CCN6: variants seen among roughly 807,000 people sequenced by gnomAD.
CCN6 encodes the protein cellular communication network factor 6.
A neutral mutation model predicts 37.4 loss-of-function variants in CCN6; 31 were observed. That is an observed-to-expected ratio of 0.83 (90% CI 0.62 to 1.12). CCN6 has a LOEUF of 1.12. CCN6 is among the 50% of genes most tolerant of loss of function. The pLI is 0.00. For synonymous variants in CCN6, 137 were observed against 142.1 expected, an observed-to-expected ratio of 0.96 and a Z score of 0.26; for missense variants, 369 against 413.8, an observed-to-expected ratio of 0.89 and a Z score of 0.94.
chr6:112,066,125 T>C (rs1274548179), intron 3 of CCN6, among the ~76,000 whole-genome samples: 1 of 152,152 alleles, frequency 6.6e-6, no homozygotes, highest in African/African-American at 2.4e-5. Context: ...GAAAGGAACA[T>C]CCTCAGCAAC....
intron 1 of CCN6, among the ~76,000 whole-genome samples, chr6:112,055,588 T>TTTATTTATTTAC (rs1776324339): frequency 6.6e-6 from 1 of 152,004 alleles, no homozygotes; most frequent in African/African-American, 2.4e-5. Flanking sequence ...GCTTTATTTA[T>TTTATTTATTTAC]TTATTTATTT....
At chr6:112,065,991 G>A (rs1270409311) in intron 3 of CCN6, among the ~76,000 whole-genome samples, 1 of 152,144 alleles carries the variant, frequency 6.6e-6, no homozygotes. Context: ...AGTGAGAGGT[G>A]CCATGGAAAT....
intron 2 of CCN6, among the ~76,000 whole-genome samples, chr6:112,063,211 T>A (rs910060076): frequency 1.3e-5 from 2 of 152,202 alleles, no homozygotes; most frequent in African/African-American, 4.8e-5. Context: ...CACACAGATA[T>A]GTAATTTGAA....
intron 4 of CCN6, 111 bp from the exon 5 acceptor site, chr6:112,069,228 C>G (rs1201735102): frequency 3.1e-6 from 4 of 1,298,360 alleles, no homozygotes; most frequent in South Asian, 2.8e-5. Context: ...TACATAGCAA[C>G]TTTTATTAAT....
chr6:112,059,277 A>C (rs1275524592), intron 1 of CCN6, among the ~76,000 whole-genome samples: 1 of 152,166 alleles, frequency 6.6e-6, no homozygotes, highest in Non-Finnish European at 1.5e-5. Context: ...GAAATCACCA[A>C]CTTGAATGGC....
rs1554314816 is a variant in CCN6, at chr6:112,069,635, G to A, written c.*15G>A. ...AGATTCTGTAAAACCAAGCAAATGG[G>A]GGAAAAGTTAGTCAATCCTGTCATA... On this transcript the variant is annotated 3_prime_UTR_variant, in exon 5 of 5. Transcript: ENST00000368666. 1 of 1,613,160 alleles carries A rather than the reference G, an allele frequency of 6.2e-7. No homozygotes were observed. Among genetic ancestry groups the A allele is most frequent in the East Asian group, 2.2e-5 (1 of 44,806 alleles).
At position 112,065,620 on chromosome 6, in the gene CCN6, A is replaced by ACACACGCG. The variant is rs1227862461; in HGVS notation, c.589+624_589+625insACACGCGC. ...CACACAAACACACACGCACACACAC[A>ACACACGCG]CGCACGCACACACACACACACACAA... is the stretch of plus-strand genomic sequence containing the variant. On this transcript the variant is annotated intron_variant, in intron 3 of 4. Coordinates refer to ENST00000368666, the MANE Select transcript of CCN6 (RefSeq NM_198239.2). Among the ~76,000 whole-genome samples, 924 of 131,098 alleles carry ACACACGCG rather than the reference A, an allele frequency of 7.0e-3. 10 individuals carry two copies. The highest frequency in any genetic ancestry group is 0.026 in the African/African-American group (872 of 33,186). 86.0% of individuals were successfully genotyped at this position (131,098 alleles called of 152,430 possible).
At chr6:112,058,809 TCAGA>T (rs1379212570) in intron 1 of CCN6, among the ~76,000 whole-genome samples, 1 of 152,132 alleles carries the variant, frequency 6.6e-6, no homozygotes, top group Non-Finnish European at 1.5e-5. Flanking sequence ...TTCCTGTAGG[TCAGA>T]CACTTTCACG....
At position 112,054,190 on chromosome 6, in the gene CCN6, A is replaced by T; in HGVS notation, c.-168A>T. The T allele has an allele frequency of 1.1e-6, 1 of 934,356 alleles. No homozygotes were observed. Among genetic ancestry groups the T allele is most frequent in the Non-Finnish European group, 1.8e-6 (1 of 559,398 alleles). 57.9% of individuals were successfully genotyped at this position (934,356 alleles called of 1,614,324 possible). A position where few individuals can be genotyped will look rare whatever the true frequency, so the allele number is the denominator to read the frequency against. On this transcript the variant is annotated 5_prime_UTR_variant, in exon 1 of 5. Coordinates refer to ENST00000368666, the MANE Select transcript of CCN6 (RefSeq NM_198239.2). Reference sequence around the variant, plus strand: ...AACAGGGTATTAAAACGGATCCTTAAAAATGAAAGTGCAGGCTGAAAGTTG... The same window carrying T: ...AACAGGGTATTAAAACGGATCCTTATAAATGAAAGTGCAGGCTGAAAGTTG...
In CCN6 at chr6:112,054,361, C is replaced by T; in HGVS notation, c.4C>T (p.Gln2Ter). Reference sequence around the variant, plus strand: ...GTGGCTCCACGGTCCCAGCGACATGCAGGGGCTCCTCTTCTCCACTCTTCT... The same window carrying T: ...GTGGCTCCACGGTCCCAGCGACATGTAGGGGCTCCTCTTCTCCACTCTTCT... M[Q>*]GLLFSTLLLA... The change falls in exon 1 of 5, where the codon CAG becomes TAG. Residue 2 changes from glutamine (Q) to a stop codon, truncating the protein, a stop_gained. Transcript: ENST00000368666. LOFTEE classifies it high-confidence loss of function. 1 of 1,613,808 alleles carries T rather than the reference C, an allele frequency of 6.2e-7. No homozygotes were observed. Among genetic ancestry groups the T allele is most frequent in the Non-Finnish European group, 8.5e-7 (1 of 1,179,970 alleles).
chr6:112,066,924 G>C, intron 3 of CCN6: 1 of 1,338,072 alleles, frequency 7.5e-7, no homozygotes, highest in African/African-American at 1.5e-5. Flanking sequence ...TAACAAGTGG[G>C]ATTACTGGTA....
intron 2 of CCN6, 104 bp downstream of exon 2, chr6:112,061,392 T>A: frequency 6.7e-7 from 1 of 1,494,756 alleles, no homozygotes; most frequent in Non-Finnish European, 9.3e-7. Flanking sequence ...TGGCTAAATA[T>A]GAGGTGGGTT....
In CCN6 at chr6:112,064,609, G is replaced by C. The variant is rs587748905; in HGVS notation, c.347-146G>C. The C allele has an allele frequency of 2.8e-5, 36 of 1,273,104 alleles. No individual in the cohort carries two copies. In the African/African-American group the frequency reaches 4.4e-4, roughly 16 times the overall value. 78.9% of individuals were successfully genotyped at this position (1,273,104 alleles called of 1,614,324 possible). ...TTAGAAACCTTTCTACAGATGTCCT[G>C]TGAAGGAGGTTCCAAATGGAACCTA... On this transcript the variant is annotated intron_variant, in intron 2 of 4. Transcript: ENST00000368666.
In CCN6 at chr6:112,054,309, C is replaced by A; in HGVS notation, c.-49C>A. 6.2e-7 allele frequency: 1 copy of A among 1,614,020 alleles called. No individual in the cohort carries two copies. The highest frequency in any genetic ancestry group is 8.5e-7 in the Non-Finnish European group (1 of 1,180,008). On this transcript the variant is annotated 5_prime_UTR_variant, in exon 1 of 5. Transcript: ENST00000368666. ...AGCTTTGTGTACCCGGAGCAATGAA[C>A]AAGCGGCGACTTCTCTACCCCTCAG...
At chr6:112,057,393 G>A (rs782750347) in intron 1 of CCN6, among the ~76,000 whole-genome samples, 5 of 152,232 alleles carry the variant, frequency 3.3e-5, no homozygotes, top group Non-Finnish European at 5.9e-5. Flanking sequence ...TCTGGAGGGA[G>A]GAAGGTCAGT....
At position 112,066,839 on chromosome 6, in the gene CCN6, G is replaced by A. The variant is rs1442575761; in HGVS notation, c.590-1366G>A. On this transcript the variant is annotated intron_variant, in intron 3 of 4. Transcript: ENST00000368666. The stretch of plus-strand genomic sequence containing the variant: ...TTTTTCAATGCTCACCAAACACTAA[G>A]CTTTGTTTAAAAAATCTCTTCTAGT... 2.8e-5 allele frequency: 18 copies of A among 644,300 alleles called. 1 individual carries two copies. The Admixed American group carries it at 5.4e-4, about 20-fold the overall frequency. The allele number at this position is 644,300 out of a possible 1,614,324, so 39.9% of individuals were successfully genotyped here.
At chr6:112,063,935 G>C (rs1776602245) in intron 2 of CCN6, among the ~76,000 whole-genome samples, 2 of 152,162 alleles carry the variant, frequency 1.3e-5, no homozygotes, top group Non-Finnish European at 2.9e-5. Context: ...GAATATTAAA[G>C]AGACCAGTAT....
At chr6:112,058,366 A>G (rs1583573890) in intron 1 of CCN6, among the ~76,000 whole-genome samples, 1 of 152,346 alleles carries the variant, frequency 6.6e-6, no homozygotes, top group East Asian at 1.9e-4. Context: ...AAATGGACTT[A>G]GATCTAGTAA....
chr6:112,064,692 T>C (rs1435517434), intron 2 of CCN6, 63 bp from the exon 3 acceptor site: 2 of 1,610,928 alleles, frequency 1.2e-6, no homozygotes, highest in African/African-American at 1.3e-5. Context: ...AGGTTTATAA[T>C]TGGAGGTCTA....
Sources: gnomAD v4.1 joint callset for allele counts (sites outside exome capture counted in the v4.1 genomes callset) on GRCh38, gnomAD v4.1.1 for gene constraint, MANE v1.5 for transcripts, NCBI Gene and HGNC (gene_info 2026-07-23, HGNC 2026-07-21) for gene names.